ZFHX4: variants seen among roughly 807,000 people sequenced by gnomAD.
ZFHX4 encodes the protein zinc finger homeobox 4, also known as zinc finger homeobox protein 4.
In ZFHX4, 56 loss-of-function variants were observed where a neutral mutation model predicts 267.6. That is an observed-to-expected ratio of 0.21 (90% CI 0.17 to 0.26). ZFHX4 has a LOEUF of 0.26. ZFHX4 is among the 10% of genes least tolerant of loss of function. ZFHX4 has a pLI of 1.00. For missense variants in ZFHX4, 4,332 were observed against 4,420.0 expected (o/e 0.98, Z 0.56); for synonymous variants, 1,778 against 1,665.6 (o/e 1.07, Z -1.64).
intron 7 of ZFHX4, 83 bp from the exon 8 acceptor site, chr8:76,849,429 A>T: frequency 1.5e-6 from 2 of 1,292,122 alleles, no homozygotes; most frequent in East Asian, 2.3e-5. Flanking sequence ...AAAATATCAC[A>T]CGTACCCCCA....
At chr8:76,794,747 G>C (rs1415795474) in intron 4 of ZFHX4, among the ~76,000 whole-genome samples, 1 of 150,894 alleles carries the variant, frequency 6.6e-6, no homozygotes, top group Non-Finnish European at 1.5e-5. Context: ...TAGATTTGTA[G>C]TAGTTTTATT....
At chr8:76,727,821 T>C (rs1008373075) in intron 3 of ZFHX4, among the ~76,000 whole-genome samples, 2 of 152,208 alleles carry the variant, frequency 1.3e-5, no homozygotes, top group Admixed American at 6.5e-5. Context: ...CCTTCTGTTC[T>C]TTCCTGGCCA....
At chr8:76,694,554 GAC>G (rs1446024877) in intron 1 of ZFHX4, among the ~76,000 whole-genome samples, 1 of 152,084 alleles carries the variant, frequency 6.6e-6, no homozygotes, top group Non-Finnish European at 1.5e-5. Context: ...ACCTTTAAGA[GAC>G]AGTCAGCCGG....
At position 76,704,343 on chromosome 8, in the gene ZFHX4, T is replaced by C; in HGVS notation, c.255T>C (p.Cys85=). Reference sequence around the variant, plus strand: ...CAAAGGAGATACCCTGCAACGAATGTGCCACTTCTTTTCCCAGTTTACAGA... The same window carrying C: ...CAAAGGAGATACCCTGCAACGAATGCGCCACTTCTTTTCCCAGTTTACAGA... ...TSAKEIPCNE[C]ATSFPSLQKY... The change falls in exon 2 of 11, where the codon TGT becomes TGC. Residue 85 remains cysteine, a synonymous_variant. Transcript: ENST00000651372. The C allele has an allele frequency of 6.2e-7, 1 of 1,614,034 alleles. No homozygotes were observed. The highest frequency in any genetic ancestry group is 1.3e-5 in the African/African-American group (1 of 75,054).
chr8:76,709,280 C>T (rs1808360510), intron 3 of ZFHX4, among the ~76,000 whole-genome samples: 1 of 152,106 alleles, frequency 6.6e-6, no homozygotes, highest in Non-Finnish European at 1.5e-5. Context: ...AGCACTCTTC[C>T]TGTGATATTG....
intron 4 of ZFHX4, among the ~76,000 whole-genome samples, chr8:76,781,930 A>G (rs555723217): frequency 1.1e-4 from 17 of 152,120 alleles, no homozygotes; most frequent in African/African-American, 4.1e-4. Flanking sequence ...TGAATTCCAT[A>G]AAGTATATTG....
At chr8:76,785,792 A>G (rs966207047) in intron 4 of ZFHX4, among the ~76,000 whole-genome samples, 18 of 152,180 alleles carry the variant, frequency 1.2e-4, no homozygotes, top group African/African-American at 4.3e-4. Flanking sequence ...TTAAGGTGGC[A>G]CATTTTTCTC....
intron 4 of ZFHX4, among the ~76,000 whole-genome samples, chr8:76,806,092 G>A (rs1811237712): frequency 6.6e-6 from 1 of 152,052 alleles, no homozygotes; most frequent in African/African-American, 2.4e-5. Flanking sequence ...CACTGGGTTT[G>A]CCTTTTAGGC....
At chr8:76,742,703 A>C (rs1809352815) in intron 3 of ZFHX4, among the ~76,000 whole-genome samples, 1 of 152,220 alleles carries the variant, frequency 6.6e-6, no homozygotes, top group Non-Finnish European at 1.5e-5. Context: ...TGGATCAATA[A>C]AATCATTGAC....
chr8:76,794,015 A>G (rs1810907175), intron 4 of ZFHX4, among the ~76,000 whole-genome samples: 1 of 152,122 alleles, frequency 6.6e-6, no homozygotes, highest in South Asian at 2.1e-4. Flanking sequence ...TTCTCTTCTG[A>G]CTCATAAGCC....
At chr8:76,785,037 G>A (rs2131790879) in intron 4 of ZFHX4, among the ~76,000 whole-genome samples, 1 of 152,062 alleles carries the variant, frequency 6.6e-6, no homozygotes, top group East Asian at 1.9e-4. Context: ...CCTTTTAATT[G>A]AGGAAATATC....
Position 76,854,670 on chromosome 8 carries a change from C to A in ZFHX4, c.7749C>A (p.Asp2583Glu). The A allele has an allele frequency of 6.2e-7, 1 of 1,613,436 alleles. No homozygotes were observed. ...CTGCTTCCCTAAAAAGGAAACTAGA[C>A]GATAAAGAAGATAATAATTGCAGTG... Reference protein sequence around the residue: ...TVAASLKRKLDDKEDNNCSEK... With the variant: ...TVAASLKRKLEDKEDNNCSEK... Residue 2583 changes from aspartate to glutamate, a missense_variant, in exon 10 of 11, where the codon GAC becomes GAA. Coordinates refer to ENST00000651372, the MANE Select transcript of ZFHX4 (RefSeq NM_024721.5).
In ZFHX4 at chr8:76,853,031, C is replaced by T; in HGVS notation, c.6110C>T (p.Ala2037Val). 1 of 1,477,984 alleles carries T rather than the reference C, an allele frequency of 6.8e-7. No individual in the cohort carries two copies. The highest frequency in any genetic ancestry group is 9.2e-7 in the Non-Finnish European group (1 of 1,084,382). 91.6% of individuals were successfully genotyped at this position (1,477,984 alleles called of 1,614,324 possible). ...AACACGGTTTCTACTCCTCTGCAAG[C>T]TCCACCACCCACTCCTCCCCCACCA... is the stretch of plus-strand genomic sequence containing the variant. Reference protein sequence around the residue: ...IPNTVSTPLQAPPPTPPPPPP... With the variant: ...IPNTVSTPLQVPPPTPPPPPP... Residue 2037 changes from alanine (A) to valine (V), a missense_variant, in exon 10 of 11, where the codon GCT becomes GTT. Ala to Val is a moderately conservative substitution (Grantham distance 64). This residue lies in a region of ZFHX4 where 1,371 missense variants were observed against 1,423.1 expected (regional missense o/e 0.96). Transcript: ENST00000651372.
chr8:76,810,763 G>A (rs1811356927), intron 4 of ZFHX4, among the ~76,000 whole-genome samples: 1 of 152,096 alleles, frequency 6.6e-6, no homozygotes, highest in African/African-American at 2.4e-5. Flanking sequence ...AAGAACAATT[G>A]TTGCAGGTAT....
At chr8:76,763,305 T>A (rs1809966124) in intron 3 of ZFHX4, among the ~76,000 whole-genome samples, 1 of 152,120 alleles carries the variant, frequency 6.6e-6, no homozygotes, top group African/African-American at 2.4e-5. Context: ...GCAGGATGTG[T>A]TTAGAATCAT....
In ZFHX4 at chr8:76,824,497, A is replaced by C. The variant is rs557835186; in HGVS notation, c.3326-8841A>C. 2.6e-5 allele frequency among the ~76,000 whole-genome samples: 4 copies of C among 152,302 alleles called. No individual in the cohort carries two copies. In the East Asian group the frequency reaches 7.7e-4, roughly 29 times the overall value. On this transcript the variant is annotated intron_variant, in intron 4 of 10. Coordinates refer to ENST00000651372, the MANE Select transcript of ZFHX4 (RefSeq NM_024721.5). ...AGGATCCCTTCTTTTGCAAGGAAAA[A>C]AACCTACCTAGGGCTGACTTGTCTA...
In ZFHX4 at chr8:76,865,627, A is replaced by T. The variant is rs1813006174; in HGVS notation, c.*1062A>T. Reference sequence around the variant, plus strand: ...AAATGAAAGTAGTACTGTATACTTGAAACTGTTTAAGTACAAGTTGAACAA... The same window carrying T: ...AAATGAAAGTAGTACTGTATACTTGTAACTGTTTAAGTACAAGTTGAACAA... On this transcript the variant is annotated 3_prime_UTR_variant, in exon 11 of 11. Transcript: ENST00000651372. 1 of 152,588 alleles carries T rather than the reference A, an allele frequency of 6.6e-6. No homozygotes were observed. The highest frequency in any genetic ancestry group is 1.5e-5 in the Non-Finnish European group (1 of 68,030). The allele number at this position is 152,588 out of a possible 1,614,324, so 9.5% of individuals were successfully genotyped here.
At chr8:76,826,596 A>G (rs988343171) in intron 4 of ZFHX4, among the ~76,000 whole-genome samples, 4 of 152,222 alleles carry the variant, frequency 2.6e-5, no homozygotes, top group African/African-American at 9.6e-5. Context: ...GAACCCTATC[A>G]TGAAAAGAGA....
chr8:76,824,943 T>A (rs1006720180), intron 4 of ZFHX4, among the ~76,000 whole-genome samples: 5 of 152,146 alleles, frequency 3.3e-5, no homozygotes, highest in Non-Finnish European at 7.4e-5. Context: ...ATGTGTAAAA[T>A]TTGCTTAGGG....
Sources: gnomAD v4.1 joint callset for allele counts (sites outside exome capture counted in the v4.1 genomes callset) on GRCh38, gnomAD v4.1.1 for gene constraint, gnomAD v4.1.1 regional missense constraint, MANE v1.5 for transcripts, NCBI Gene and HGNC (gene_info 2026-07-23, HGNC 2026-07-21) for gene names.